The following ENAH variants were observed in gnomAD, a reference collection of about 807,000 sequenced individuals.
The protein encoded by ENAH is ENAH actin regulator.
In ENAH, 23 loss-of-function variants were observed where a neutral mutation model predicts 78.7. That is an observed-to-expected ratio of 0.29 (90% CI 0.21 to 0.41). The LOEUF (loss-of-function observed/expected upper bound fraction) is 0.41, where lower values mean the gene tolerates loss of function less well. ENAH is among the 10% of genes least tolerant of loss of function. The pLI, the probability that ENAH is intolerant of heterozygous loss-of-function variation, is 1.00. For missense variants in ENAH, 544 were observed against 691.0 expected (o/e 0.79, Z 2.39); for synonymous variants, 226 against 241.0 (o/e 0.94, Z 0.58).
chr1:225,508,594 G>A (rs1409831436), intron 10 of ENAH: 2 of 152,168 alleles, frequency 1.3e-5, no homozygotes, highest in African/African-American at 2.4e-5. Context: ...GGCCTTAGCC[G>A]ATTATTCCAG....
intron 6 of ENAH, among the ~76,000 whole-genome samples, chr1:225,515,895 A>G (rs964837915): frequency 2.0e-5 from 3 of 152,256 alleles, no homozygotes; most frequent in East Asian, 1.9e-4. Context: ...TTTGTACAGT[A>G]TAACTGTCAT....
At chr1:225,549,302 C>T (rs748488946) in intron 3 of ENAH, among the ~76,000 whole-genome samples, 5 of 152,090 alleles carry the variant, frequency 3.3e-5, no homozygotes, top group African/African-American at 9.7e-5. Context: ...AATAAAGAAC[C>T]GCAAATGGAG....
chr1:225,583,349 T>C (rs2096828719), intron 1 of ENAH, among the ~76,000 whole-genome samples: 1 of 149,418 alleles, frequency 6.7e-6, no homozygotes, highest in Non-Finnish European at 1.5e-5. Context: ...GGTGGGAGAA[T>C]TGCTTGAACC....
intron 1 of ENAH, among the ~76,000 whole-genome samples, chr1:225,569,490 C>G (rs957997882): frequency 6.6e-6 from 1 of 152,162 alleles, no homozygotes; most frequent in South Asian, 2.1e-4. Context: ...AAAATAAAAT[C>G]ATGTCCCTTT....
At chr1:225,614,803 A>T (rs2097015143) in intron 1 of ENAH, among the ~76,000 whole-genome samples, 1 of 152,210 alleles carries the variant, frequency 6.6e-6, no homozygotes, top group African/African-American at 2.4e-5. Flanking sequence ...CAGAGACCAA[A>T]TATGTATTTC....
At chr1:225,614,539 G>A (rs1054153246) in intron 1 of ENAH, among the ~76,000 whole-genome samples, 3 of 152,092 alleles carry the variant, frequency 2.0e-5, no homozygotes, top group African/African-American at 7.2e-5. Context: ...TATCCTTTGG[G>A]TTTGTATAGA....
intron 2 of ENAH, among the ~76,000 whole-genome samples, chr1:225,561,091 G>C (rs1445374520): frequency 6.6e-6 from 1 of 150,602 alleles, no homozygotes; most frequent in Non-Finnish European, 1.5e-5. Flanking sequence ...AAAATTAGCT[G>C]GGCTTGGTGG....
At chr1:225,600,966 C>A (rs371843657) in intron 1 of ENAH, among the ~76,000 whole-genome samples, 4 of 151,984 alleles carry the variant, frequency 2.6e-5, no homozygotes, top group African/African-American at 9.7e-5. Context: ...TTACAACATT[C>A]TTAAAGGTCT....
At chr1:225,524,414 G>A (rs1193702885) in intron 4 of ENAH, among the ~76,000 whole-genome samples, 1 of 151,976 alleles carries the variant, frequency 6.6e-6, no homozygotes, top group Non-Finnish European at 1.5e-5. Flanking sequence ...GTTCTGAGTT[G>A]GTAATATTTA....
chr1:225,555,736 G>A (rs2096663405), intron 2 of ENAH, among the ~76,000 whole-genome samples: 1 of 152,082 alleles, frequency 6.6e-6, no homozygotes, highest in Non-Finnish European at 1.5e-5. Context: ...CCCTGATTAA[G>A]AAATCAAACA....
intron 1 of ENAH, among the ~76,000 whole-genome samples, chr1:225,574,900 CA>C (rs1160881680): frequency 6.4e-4 from 1 of 1,552 alleles, no homozygotes; most frequent in Non-Finnish European, 8.2e-4. Flanking sequence ...GACTCCGTCT[CA>C]AAAAAAAAAA....
chr1:225,535,315 T>TA (rs1219024683), intron 3 of ENAH, among the ~76,000 whole-genome samples: 1 of 152,150 alleles, frequency 6.6e-6, no homozygotes, highest in African/African-American at 2.4e-5. Context: ...TAATGCTCGC[T>TA]AACAAGCCAA....
At chr1:225,617,007 G>A (rs1655852330) in intron 1 of ENAH, among the ~76,000 whole-genome samples, 1 of 151,992 alleles carries the variant, frequency 6.6e-6, no homozygotes, top group Non-Finnish European at 1.5e-5. Context: ...GTTGAGGCAG[G>A]AGAATCGCTT....
intron 4 of ENAH, among the ~76,000 whole-genome samples, chr1:225,520,955 AGGGAGGGAGGGAG>A: frequency 2.2e-4 from 1 of 4,460 alleles, no homozygotes; most frequent in South Asian, 5.8e-3. Context: ...GGAGGGAGGG[AGGGAGGGAGGGAG>A]GGAGGGAGAC....
In ENAH at chr1:225,558,627, C is replaced by CTTTTTT. The variant is rs71170091; in HGVS notation, c.172-3550_172-3545dup. Among the ~76,000 whole-genome samples, 132 of 69,222 alleles carry CTTTTTT rather than the reference C, an allele frequency of 1.9e-3. 1 individual carries two copies. The highest frequency in any genetic ancestry group is 2.8e-3 in the Admixed American group (11 of 3,898). The allele number at this position is 69,222 out of a possible 152,430, so 45.4% of individuals were successfully genotyped here. On this transcript the variant is annotated intron_variant, in intron 2 of 13. Coordinates refer to ENST00000366843, the MANE Select transcript of ENAH (RefSeq NM_018212.6). ...TGCTTTCTACTGCATTAATTTCTGC[C>CTTTTTT]TTTTTTTTTTTTTTTTTTTTTTTTG...
At chr1:225,653,550 G>A (rs1663457341), upstream of ENAH, among the ~76,000 whole-genome samples, 2 of 151,796 alleles carry the variant, frequency 1.3e-5, no homozygotes, top group South Asian at 2.1e-4. The surrounding 1 kb of genome is among the most constrained non-coding windows in gnomAD (Gnocchi z 4.3). Flanking sequence ...CTCCCCCACG[G>A]CCACGGTGCG....
intron 12 of ENAH, 142 bp downstream of exon 12, chr1:225,500,850 C>T: frequency 2.6e-6 from 2 of 775,528 alleles, no homozygotes; most frequent in Non-Finnish European, 4.1e-6. Context: ...TGCAGTACTA[C>T]TAATGCCACT....
chr1:225,519,710 AC>A, intron 4 of ENAH, 145 bp from the exon 5 acceptor site: 1 of 1,235,344 alleles, frequency 8.1e-7, no homozygotes, highest in East Asian at 2.3e-5. Context: ...CATGAAGGCT[AC>A]CTTGGATAGA....
chr1:225,508,493 T>A (rs1042231793), intron 10 of ENAH: 3 of 152,236 alleles, frequency 2.0e-5, no homozygotes, highest in African/African-American at 7.2e-5. Flanking sequence ...AAATAGTCCC[T>A]CTTGGGGAAA....
Sources: gnomAD v4.1 joint callset for allele counts (sites outside exome capture counted in the v4.1 genomes callset) on GRCh38, gnomAD v4.1.1 for gene constraint, Gnocchi (gnomAD v3.1) non-coding constraint, MANE v1.5 for transcripts, NCBI Gene and HGNC (gene_info 2026-07-23, HGNC 2026-07-21) for gene names.